Variants in LIPA observed in about 807,000 individuals in gnomAD.
LIPA encodes lipase A, lysosomal acid type.
A neutral mutation model predicts 40.6 loss-of-function variants in LIPA; 26 were observed. That is an observed-to-expected ratio of 0.64 (90% CI 0.47 to 0.89). The LOEUF is 0.89. Ranked by LOEUF, LIPA falls within the 40% of genes least tolerant of loss-of-function variation. LIPA has a pLI of 0.00. For synonymous variants in LIPA, 188 were observed against 168.4 expected, an observed-to-expected ratio of 1.12 and a Z score of -0.90; for missense variants, 455 against 479.6, an observed-to-expected ratio of 0.95 and a Z score of 0.48.
intron 1 of LIPA, among the ~76,000 whole-genome samples, chr10:89,336,551 C>T (rs17119593): frequency 6.6e-6 from 1 of 152,152 alleles, no homozygotes; most frequent in African/African-American, 2.4e-5. Flanking sequence ...GGCCAGTGCT[C>T]GTCCATGGTA....
intron 1 of LIPA, among the ~76,000 whole-genome samples, chr10:89,259,114 A>G (rs1283273323): frequency 6.6e-6 from 1 of 152,226 alleles, no homozygotes; most frequent in Non-Finnish European, 1.5e-5. Flanking sequence ...AATTGCAATG[A>G]TAGTTGCACA....
intron 2 of LIPA, among the ~76,000 whole-genome samples, chr10:89,378,738 C>G (rs975653542): frequency 7.2e-5 from 11 of 152,130 alleles, no homozygotes; most frequent in Admixed American, 4.6e-4. Context: ...TTCAGAGGGG[C>G]AAGATGAGAA....
upstream of LIPA, among the ~76,000 whole-genome samples, chr10:89,344,721 C>T (rs6586186): frequency 0.069 from 10,519 of 151,882 alleles, 916 homozygotes; most frequent in African/African-American, 0.2. Flanking sequence ...CAAAGGGAAA[C>T]ACTTTTTACA....
chr10:89,268,726 A>C (rs935513249), intron 1 of LIPA, among the ~76,000 whole-genome samples: 4 of 152,140 alleles, frequency 2.6e-5, no homozygotes, highest in African/African-American at 9.7e-5. Flanking sequence ...CTTTATTTAA[A>C]AATGCTTCCC....
intron 1 of LIPA, chr10:89,332,778 G>A: frequency 2.3e-6 from 2 of 855,992 alleles, no homozygotes; most frequent in Non-Finnish European, 3.8e-6. Context: ...TTTTATTTCT[G>A]TAGCTCTTTG....
chr10:89,384,466 G>T, intron 2 of LIPA: 1 of 1,614,096 alleles, frequency 6.2e-7, no homozygotes, highest in Non-Finnish European at 8.5e-7. Context: ...TTACCACTAC[G>T]GCCGTTTCCA....
At chr10:89,306,136 A>T in intron 1 of LIPA, 1 of 1,614,116 alleles carries the variant, frequency 6.2e-7, no homozygotes, top group Non-Finnish European at 8.5e-7. Context: ...TGGCCTATCT[A>T]AAGCACCTCA....
intron 1 of LIPA, among the ~76,000 whole-genome samples, chr10:89,285,881 T>A (rs1218224245): frequency 6.6e-6 from 1 of 151,884 alleles, no homozygotes; most frequent in Non-Finnish European, 1.5e-5. Context: ...TACCCTCTCT[T>A]TTCTCTGGAC....
intron 2 of LIPA, among the ~76,000 whole-genome samples, chr10:89,354,752 G>C (rs2133588646): frequency 6.6e-6 from 1 of 152,262 alleles, no homozygotes; most frequent in South Asian, 2.1e-4. Flanking sequence ...ATTTTTAGTA[G>C]ACATGGGGTT....
At chr10:89,375,039 C>G (rs1048778101) in intron 2 of LIPA, among the ~76,000 whole-genome samples, 2 of 152,186 alleles carry the variant, frequency 1.3e-5, no homozygotes, top group Non-Finnish European at 2.9e-5. Flanking sequence ...TGGAAGGGCT[C>G]CAGCTAATGG....
chr10:89,267,339 T>C (rs936975495), intron 1 of LIPA, among the ~76,000 whole-genome samples: 5 of 151,840 alleles, frequency 3.3e-5, no homozygotes, highest in Non-Finnish European at 5.9e-5. Flanking sequence ...TACTGGAAAA[T>C]GGAAGGAGAA....
rs1289303983 is a variant in LIPA, at chr10:89,228,206, G to T, written c.422C>A (p.Ala141Asp). ...ATTATCAATTCATATATACCTGAAAGCCCAGAATTCATCCTGAGAAACTGA... is the reference window on the plus strand; with the variant it reads ...ATTATCAATTCATATATACCTGAAATCCCAGAATTCATCCTGAGAAACTGA... ...TLSVSQDEFW[A>D]FSYDEMAKYD... is the part of the protein sequence containing the mutation. Residue 141 changes from alanine (A) to aspartate (D), a missense_variant, in exon 4 of 10, where the codon GCT (alanine) becomes GAT (aspartate). Ala to Asp is a moderately radical substitution (Grantham distance 126, BLOSUM62 -2). Coordinates refer to ENST00000336233, the MANE Select transcript of LIPA (RefSeq NM_000235.4). 6.2e-7 allele frequency: 1 copy of T among 1,613,126 alleles called. No homozygotes were observed. The highest frequency in any genetic ancestry group is 8.5e-7 in the Non-Finnish European group (1 of 1,179,080).
intron 1 of LIPA, among the ~76,000 whole-genome samples, chr10:89,290,746 A>T (rs1349081248): frequency 1.3e-5 from 2 of 152,144 alleles, no homozygotes; most frequent in East Asian, 3.9e-4. Flanking sequence ...GTAATTTTCC[A>T]CTATCTACCC....
rs147610796 is a variant in LIPA, at chr10:89,406,563, G to A, written c.61+6228C>T. 5.6e-3 allele frequency: 852 copies of A among 152,718 alleles called. 12 individuals are homozygous for A. Among genetic ancestry groups the A allele is most frequent in the East Asian group, 0.042 (218 of 5,192 alleles). The allele number at this position is 152,718 out of a possible 1,614,324, so 9.5% of individuals were successfully genotyped here. ...CTACGGCTTCACTCCTGAAGCCAGC[G>A]AGACCACAAACCCACCAGGAGGAAC... On this transcript the variant is annotated intron_variant, in intron 2 of 8. Coordinates refer to the LIPA transcript ENST00000371837.
chr10:89,339,761 A>G, intron 1 of LIPA: 1 of 1,614,176 alleles, frequency 6.2e-7, no homozygotes. Context: ...AACCTTCAGA[A>G]ATATAATGGG....
chr10:89,306,427 G>C, intron 1 of LIPA: 2 of 1,614,156 alleles, frequency 1.2e-6, no homozygotes. Flanking sequence ...ATGAAAGAGC[G>C]AAGGTGTGCT....
chr10:89,254,548 A>G (rs1427959261), upstream of LIPA, among the ~76,000 whole-genome samples: 11 of 152,222 alleles, frequency 7.2e-5, no homozygotes, highest in African/African-American at 2.2e-4. Context: ...GGCTGCCTCA[A>G]AGGTCTCTGA....
intron 2 of LIPA, among the ~76,000 whole-genome samples, chr10:89,391,402 G>T (rs762004926): frequency 6.6e-6 from 1 of 151,632 alleles, no homozygotes; most frequent in Non-Finnish European, 1.5e-5. Flanking sequence ...TTTTTGTAGA[G>T]TTGGGGTCTC....
chr10:89,284,078 TTCCCTGATG>T (rs1363825404), intron 1 of LIPA: 2 of 152,192 alleles, frequency 1.3e-5, no homozygotes, highest in African/African-American at 2.4e-5. Flanking sequence ...CATATCAACA[TTCCCTGATG>T]GAAGCCTTTA....
Sources: gnomAD v4.1 joint callset for allele counts (sites outside exome capture counted in the v4.1 genomes callset) on GRCh38, gnomAD v4.1.1 for gene constraint, MANE v1.5 for transcripts, NCBI Gene and HGNC (gene_info 2026-07-23, HGNC 2026-07-21) for gene names.